HECA: variants seen among roughly 807,000 people sequenced by gnomAD.
HECA encodes headcase protein homolog.
A neutral mutation model predicts 37.6 loss-of-function variants in HECA; 13 were observed. The ratio of observed to expected loss-of-function variants is 0.35; its 90% CI spans 0.23 to 0.55. HECA has a LOEUF of 0.55. Ranked by LOEUF, HECA falls within the 20% of genes least tolerant of loss-of-function variation. The pLI, the probability that HECA is intolerant of heterozygous loss-of-function variation, is 0.90. For synonymous variants in HECA, 307 were observed against 291.5 expected, an observed-to-expected ratio of 1.05 and a Z score of -0.54; for missense variants, 527 against 701.9, an observed-to-expected ratio of 0.75 and a Z score of 2.82.
At chr6:139,163,549 T>C (rs189219380) in intron 1 of HECA, among the ~76,000 whole-genome samples, 48 of 152,210 alleles carry the variant, frequency 3.2e-4, no homozygotes, top group Middle Eastern at 3.4e-3. Flanking sequence ...AGATGGGGTT[T>C]CATCATGTTG....
intron 1 of HECA, among the ~76,000 whole-genome samples, chr6:139,142,479 A>G (rs1334862005): frequency 6.6e-6 from 1 of 152,124 alleles, no homozygotes; most frequent in East Asian, 1.9e-4. Flanking sequence ...CCATGGTCTC[A>G]TCATTCCCTG....
chr6:139,173,180 G>T (rs1339292045), intron 2 of HECA, among the ~76,000 whole-genome samples: 2 of 152,206 alleles, frequency 1.3e-5, no homozygotes, highest in African/African-American at 4.8e-5. Flanking sequence ...GCAGAGGTGG[G>T]GAGTATTTCA....
intron 1 of HECA, among the ~76,000 whole-genome samples, chr6:139,152,217 T>G (rs542161158): frequency 2.0e-5 from 3 of 152,310 alleles, no homozygotes; most frequent in African/African-American, 7.2e-5. Flanking sequence ...TGTGATTTCT[T>G]ACTGAGATCA....
chr6:139,159,438 C>T (rs1469111686), intron 1 of HECA, among the ~76,000 whole-genome samples: 1 of 152,140 alleles, frequency 6.6e-6, no homozygotes, highest in Admixed American at 6.5e-5. Context: ...GGGACTTACA[C>T]ATAAATGTCT....
intron 1 of HECA, among the ~76,000 whole-genome samples, chr6:139,143,524 GCAAA>G (rs1301310109): frequency 6.6e-6 from 1 of 152,106 alleles, no homozygotes; most frequent in Admixed American, 6.5e-5. Context: ...CTAAAAATAA[GCAAA>G]CAAAAAGCAA....
intron 1 of HECA, among the ~76,000 whole-genome samples, chr6:139,164,089 C>CTCTT (rs1165062945): frequency 1.3e-5 from 2 of 151,584 alleles, no homozygotes; most frequent in African/African-American, 2.4e-5. Flanking sequence ...CACTCTCTCT[C>CTCTT]TCTCTCTCTC....
Position 139,167,316 on chromosome 6 carries a change from A to C in HECA, c.1304A>C (p.His435Pro). Reference sequence around the variant, plus strand: ...GAGATCGAATATGATGTTCCTTGTCACCTTCAAGGTATAGGTGTTAATTCA... The same window carrying C: ...GAGATCGAATATGATGTTCCTTGTCCCCTTCAAGGTATAGGTGTTAATTCA... Reference protein sequence around the residue: ...HDEIEYDVPCHLQGRLMHLYA... With the variant: ...HDEIEYDVPCPLQGRLMHLYA... Residue 435 changes from histidine (H) to proline (P), a missense_variant, in exon 2 of 4, where the codon CAC becomes CCC. Physicochemically the swap from His to Pro is moderately conservative, Grantham distance 77 (BLOSUM62 -2). Transcript: ENST00000367658. 1 of 1,584,984 alleles carries C rather than the reference A, an allele frequency of 6.3e-7. No individual in the cohort carries two copies. Among genetic ancestry groups the C allele is most frequent in the Non-Finnish European group, 8.6e-7 (1 of 1,156,660 alleles).
intron 1 of HECA, among the ~76,000 whole-genome samples, chr6:139,148,070 T>A (rs1467676850): frequency 6.6e-6 from 1 of 152,242 alleles, no homozygotes; most frequent in Non-Finnish European, 1.5e-5. Context: ...CTTTTTATAT[T>A]TATATTGATC....
At chr6:139,175,851 CTG>C (rs1214265426) in intron 3 of HECA, among the ~76,000 whole-genome samples, 1 of 152,190 alleles carries the variant, frequency 6.6e-6, no homozygotes, top group African/African-American at 2.4e-5. Context: ...TCACCATGCA[CTG>C]TATTTCTTCC....
At chr6:139,147,034 T>A (rs1168660569) in intron 1 of HECA, among the ~76,000 whole-genome samples, 2 of 152,036 alleles carry the variant, frequency 1.3e-5, no homozygotes, top group Non-Finnish European at 2.9e-5. Context: ...CCTTTTTGAG[T>A]GTTTAGTAGG....
intron 1 of HECA, chr6:139,152,890 A>G (rs1281483571): frequency 1.3e-5 from 2 of 152,206 alleles, no homozygotes; most frequent in East Asian, 3.8e-4. Context: ...ACATAGTAGT[A>G]TATAGGAAAT....
intron 1 of HECA, chr6:139,144,077 A>AAG (rs1365277635): frequency 3.3e-5 from 5 of 152,152 alleles, no homozygotes; most frequent in African/African-American, 4.8e-5. Context: ...GCCAGGGCTT[A>AAG]GTGTTACTGA....
intron 1 of HECA, among the ~76,000 whole-genome samples, chr6:139,139,757 G>A (rs918147695): frequency 2.0e-5 from 3 of 152,230 alleles, no homozygotes; most frequent in Non-Finnish European, 4.4e-5. Context: ...CCCAGGAAGA[G>A]AGCATGACCT....
chr6:139,136,894 A>G (rs1774454748), intron 1 of HECA, among the ~76,000 whole-genome samples: 1 of 151,970 alleles, frequency 6.6e-6, no homozygotes, highest in South Asian at 2.1e-4. Context: ...TCGGCCTCCC[A>G]AAGTGCTGAG....
Position 139,178,844 on chromosome 6 carries a change from G to A in HECA, c.*1739G>A, listed in dbSNP as rs1208276723. The A allele has an allele frequency of 6.6e-6, 1 of 152,214 alleles. No individual in the cohort carries two copies. The highest frequency in any genetic ancestry group is 1.5e-5 in the Non-Finnish European group (1 of 68,074). The allele number at this position is 152,214 out of a possible 1,614,324, so 9.4% of individuals were successfully genotyped here. On this transcript the variant is annotated 3_prime_UTR_variant, in exon 4 of 4. Transcript: ENST00000367658. ...CTGCCTCGGCCTCCCAAAGTGCTGG[G>A]ATTACAGGCGTGAGTCACTGTGCCT...
In HECA at chr6:139,176,007, G is replaced by A. The variant is rs924087018; in HGVS notation, c.1468-934G>A. 2.0e-5 allele frequency among the ~76,000 whole-genome samples: 3 copies of A among 152,236 alleles called. No homozygotes were observed. Among genetic ancestry groups the A allele is most frequent in the Non-Finnish European group, 1.5e-5 (1 of 68,046 alleles). Reference sequence around the variant, plus strand: ...AATCAAGGGAAGTCTTCAATAAGATGTAGCCAAAAATAAGCAATAATTGAT... The same window carrying A: ...AATCAAGGGAAGTCTTCAATAAGATATAGCCAAAAATAAGCAATAATTGAT... On this transcript the variant is annotated intron_variant, in intron 3 of 3. Coordinates refer to ENST00000367658, the MANE Select transcript of HECA (RefSeq NM_016217.3). The surrounding 1 kb of genome is among the most constrained non-coding windows in gnomAD (Gnocchi z 4.5).
chr6:139,140,444 C>T (rs1774499383), intron 1 of HECA, among the ~76,000 whole-genome samples: 2 of 152,184 alleles, frequency 1.3e-5, no homozygotes, highest in South Asian at 4.1e-4. Context: ...AAAGATTCTT[C>T]CTGTACACTT....
intron 1 of HECA, among the ~76,000 whole-genome samples, chr6:139,142,448 CTGTGGTCAGAGTGCTTT>C (rs982365421): frequency 1.3e-5 from 2 of 152,120 alleles, no homozygotes; most frequent in Non-Finnish European, 2.9e-5. Flanking sequence ...TTTGACATTG[CTGTGGTCAGAGTGCTTT>C]TCCCCATGGT....
At chr6:139,138,510 G>A (rs1233238892) in intron 1 of HECA, among the ~76,000 whole-genome samples, 2 of 152,174 alleles carry the variant, frequency 1.3e-5, no homozygotes, top group African/African-American at 4.8e-5. Context: ...GTGTTTATTT[G>A]TAGTTGTTTG....
Sources: gnomAD v4.1 joint callset for allele counts (sites outside exome capture counted in the v4.1 genomes callset) on GRCh38, gnomAD v4.1.1 for gene constraint, Gnocchi (gnomAD v3.1) non-coding constraint, MANE v1.5 for transcripts, NCBI Gene and HGNC (gene_info 2026-07-23, HGNC 2026-07-21) for gene names.